TRABD2B: variants seen among roughly 807,000 people sequenced by gnomAD.
TRABD2B encodes metalloprotease TIKI2.
Under a neutral mutation model 40.1 loss-of-function variants are expected in TRABD2B, and 14 were observed. The ratio of observed to expected loss-of-function variants is 0.35; its 90% confidence interval spans 0.23 to 0.55. The LOEUF (loss-of-function observed/expected upper bound fraction) is 0.55, where lower values mean the gene tolerates loss of function less well. TRABD2B is among the 20% of genes least tolerant of loss of function. TRABD2B has a pLI of 0.90. For synonymous variants in TRABD2B, 263 were observed against 277.0 expected, an observed-to-expected ratio of 0.95 and a Z score of 0.50; for missense variants, 541 against 648.6, an observed-to-expected ratio of 0.83 and a Z score of 1.80.
chr1:47,912,956 G>A (rs1155280), intron 2 of TRABD2B, among the ~76,000 whole-genome samples: 147,579 of 152,224 alleles, frequency 0.97, 71,717 homozygotes, highest in Non-Finnish European at 1. Context: ...CTCCTAATCC[G>A]GAACCCCCTG....
At chr1:47,850,079 C>A in intron 2 of TRABD2B, among the ~76,000 whole-genome samples, 1 of 152,234 alleles carries the variant, frequency 6.6e-6, no homozygotes, top group East Asian at 1.9e-4. Flanking sequence ...TATTTCCCAC[C>A]CTCAGCTGGG....
At chr1:47,961,759 T>G (rs1348817826) in intron 2 of TRABD2B, among the ~76,000 whole-genome samples, 1 of 152,230 alleles carries the variant, frequency 6.6e-6, no homozygotes, top group African/African-American at 2.4e-5. Context: ...TTTTACACTG[T>G]TGGTGGGACT....
intron 2 of TRABD2B, among the ~76,000 whole-genome samples, chr1:47,985,074 A>T (rs751621498): frequency 6.6e-6 from 1 of 152,208 alleles, no homozygotes; most frequent in Non-Finnish European, 1.5e-5. Flanking sequence ...TACATTAATC[A>T]ATTAATCCTC....
chr1:47,761,380 T>G lies in TRABD2B; in HGVS notation c.*4522A>C, dbSNP rs559710431. On this transcript the variant is annotated 3_prime_UTR_variant, in exon 7 of 7. Transcript: ENST00000606738. ...AGCGGGAAGGAGCTCTGGGCTGGGC[T>G]GCAGGCCTGGGTTCCAGTTCACTCC... 6.6e-6 allele frequency: 1 copy of G among 152,506 alleles called. No individual in the cohort carries two copies. The highest frequency in any genetic ancestry group is 6.5e-5 in the Admixed American group (1 of 15,308). The allele number at this position is 152,506 out of a possible 1,614,324, so 9.4% of individuals were successfully genotyped here.
intron 4 of TRABD2B, among the ~76,000 whole-genome samples, chr1:47,781,696 G>T (rs772058205): frequency 2.0e-4 from 30 of 152,316 alleles, no homozygotes; most frequent in Non-Finnish European, 4.4e-4. Flanking sequence ...TGCCAGGGCA[G>T]GGAGAATGGT....
Position 47,912,134 on chromosome 1 carries a change from A to T in TRABD2B, c.666+81900T>A, listed in dbSNP as rs564543430. ...AGGCCAGAGGTCAAATAGAAAACAAACTTCCCTGAATGACTGAGTGGGCAG... is the reference window on the plus strand; with the variant it reads ...AGGCCAGAGGTCAAATAGAAAACAATCTTCCCTGAATGACTGAGTGGGCAG... On this transcript the variant is annotated intron_variant, in intron 2 of 6. Transcript: ENST00000606738. 8.5e-5 allele frequency among the ~76,000 whole-genome samples: 13 copies of T among 152,286 alleles called. 1 individual carries two copies. In the South Asian group the frequency reaches 2.5e-3, roughly 29 times the overall value.
intron 2 of TRABD2B, among the ~76,000 whole-genome samples, chr1:47,856,343 C>G (rs1162309352): frequency 6.6e-6 from 1 of 152,200 alleles, no homozygotes; most frequent in Non-Finnish European, 1.5e-5. Flanking sequence ...GCTTGGCACA[C>G]AGTATGTGCT....
intron 2 of TRABD2B, among the ~76,000 whole-genome samples, chr1:47,938,457 G>T (rs923762466): frequency 2.0e-5 from 3 of 152,204 alleles, no homozygotes; most frequent in Admixed American, 6.5e-5. Context: ...CATAGTGGTG[G>T]ATAGGGAGGT....
chr1:47,939,499 G>C (rs1645157512), intron 2 of TRABD2B, among the ~76,000 whole-genome samples: 1 of 152,170 alleles, frequency 6.6e-6, no homozygotes, highest in South Asian at 2.1e-4. Context: ...TTTGCCAGGT[G>C]CCATGTTCTC....
At chr1:47,889,412 G>T (rs976759534) in intron 2 of TRABD2B, among the ~76,000 whole-genome samples, 7 of 152,210 alleles carry the variant, frequency 4.6e-5, no homozygotes, top group Admixed American at 4.6e-4. Flanking sequence ...CTGTGCAATT[G>T]CCAAGCACGG....
At chr1:47,943,841 A>G (rs1398470492) in intron 2 of TRABD2B, among the ~76,000 whole-genome samples, 2 of 152,034 alleles carry the variant, frequency 1.3e-5, no homozygotes, top group African/African-American at 4.8e-5. Flanking sequence ...TTTATGAGAT[A>G]TGCCTTCAAA....
chr1:47,837,296 A>G (rs1394440080), intron 2 of TRABD2B, among the ~76,000 whole-genome samples: 2 of 152,090 alleles, frequency 1.3e-5, no homozygotes, highest in African/African-American at 4.8e-5. Context: ...ACAGATCTGC[A>G]TTTTTCCCAC....
chr1:47,855,874 G>A (rs1002659089), intron 2 of TRABD2B, among the ~76,000 whole-genome samples: 12 of 152,220 alleles, frequency 7.9e-5, no homozygotes, highest in African/African-American at 2.7e-4. Flanking sequence ...ACCCTGATAC[G>A]GAACTTGCCA....
At chr1:47,848,152 A>G (rs1645497898) in intron 2 of TRABD2B, among the ~76,000 whole-genome samples, 1 of 152,352 alleles carries the variant, frequency 6.6e-6, no homozygotes, top group East Asian at 1.9e-4. Flanking sequence ...AGACAGCAAG[A>G]TCTTTCTTTT....
At chr1:47,896,194 C>A (rs931694734) in intron 2 of TRABD2B, among the ~76,000 whole-genome samples, 4 of 152,222 alleles carry the variant, frequency 2.6e-5, no homozygotes, top group Admixed American at 6.5e-5. Context: ...AAGGACCTCA[C>A]GTCAGGGCTG....
chr1:47,930,722 A>G (rs1645029010), intron 2 of TRABD2B, among the ~76,000 whole-genome samples: 1 of 150,472 alleles, frequency 6.6e-6, no homozygotes, highest in African/African-American at 2.4e-5. Flanking sequence ...GAATCACACA[A>G]CTCCTCTCTC....
chr1:47,792,498 C>A (rs1372463382), intron 4 of TRABD2B, among the ~76,000 whole-genome samples: 1 of 152,068 alleles, frequency 6.6e-6, no homozygotes, highest in East Asian at 1.9e-4. Context: ...GGTGTGAGGT[C>A]TTTCTGGTGG....
At chr1:47,767,945 C>T (rs1364045598) in intron 6 of TRABD2B, among the ~76,000 whole-genome samples, 1 of 152,212 alleles carries the variant, frequency 6.6e-6, no homozygotes, top group East Asian at 1.9e-4. Context: ...TCTCACATAG[C>T]CCTGGCTCAG....
At chr1:47,812,916 A>G (rs897473581) in intron 2 of TRABD2B, among the ~76,000 whole-genome samples, 1 of 152,142 alleles carries the variant, frequency 6.6e-6, no homozygotes, top group Non-Finnish European at 1.5e-5. Flanking sequence ...TTCAGACAGT[A>G]GACAAGTCAC....
Sources: allele counts gnomAD v4.1 joint callset (sites outside exome capture counted in the v4.1 genomes callset), GRCh38; gene constraint gnomAD v4.1.1; transcripts MANE v1.5; gene names NCBI Gene and HGNC (gene_info 2026-07-23, HGNC 2026-07-21).